CTNND2: variants seen among roughly 807,000 people sequenced by gnomAD.
CTNND2 encodes the protein catenin delta 2.
In CTNND2, 22 loss-of-function variants were observed where a neutral mutation model predicts 144.4. That is an observed-to-expected ratio of 0.15 (90% CI 0.11 to 0.22). The LOEUF (loss-of-function observed/expected upper bound fraction) is 0.22. Ranked by LOEUF, CTNND2 falls within the 10% of genes least tolerant of loss-of-function variation. The probability of loss-of-function intolerance (pLI) is 1.00; values close to 1 mark genes in which losing one functional copy is unlikely to be tolerated. For missense variants in CTNND2, 1,353 were observed against 1,618.8 expected (o/e 0.84, Z 2.82); for synonymous variants, 751 against 695.6 (o/e 1.08, Z -1.25).
chr5:11,509,547 C>T (rs1771432578), intron 3 of CTNND2, among the ~76,000 whole-genome samples: 1 of 152,026 alleles, frequency 6.6e-6, no homozygotes, highest in Non-Finnish European at 1.5e-5. Flanking sequence ...AGCTTGAAAG[C>T]AGGAGAATAT....
At chr5:11,259,119 G>A (rs761436009) in intron 9 of CTNND2, among the ~76,000 whole-genome samples, 3 of 152,140 alleles carry the variant, frequency 2.0e-5, no homozygotes, top group Non-Finnish European at 4.4e-5. Flanking sequence ...GGTGAGCCTT[G>A]TACCATCAGT....
At chr5:11,881,085 T>C (rs1235411239) in intron 1 of CTNND2, among the ~76,000 whole-genome samples, 2 of 150,106 alleles carry the variant, frequency 1.3e-5, no homozygotes, top group Non-Finnish European at 3.0e-5. Flanking sequence ...TCATTATTAT[T>C]AAAGGGAATG....
intron 5 of CTNND2, among the ~76,000 whole-genome samples, chr5:11,404,875 G>A (rs981920957): frequency 6.6e-6 from 1 of 152,020 alleles, no homozygotes; most frequent in Admixed American, 6.5e-5. Context: ...CTCCCAAAGT[G>A]CTGGGATTGC....
chr5:10,984,393 G>GT (rs1308165181), intron 20 of CTNND2, among the ~76,000 whole-genome samples: 13 of 152,176 alleles, frequency 8.5e-5, no homozygotes, highest in Non-Finnish European at 1.6e-4. Flanking sequence ...GTGAAATTTT[G>GT]TTTTTTCTGT....
intron 3 of CTNND2, among the ~76,000 whole-genome samples, chr5:11,443,342 GGAGTGTGTGGGA>G (rs1414412641): frequency 1.8e-4 from 12 of 68,114 alleles, no homozygotes; most frequent in African/African-American, 7.7e-4. Flanking sequence ...GTGTGTGTGG[GGAGTGTGTGGGA>G]GGGTGTGTGG....
rs1738078005 is a variant in CTNND2 at position 11,903,534 on chromosome 5, C to T, written c.37+283G>A. On this transcript the variant is annotated intron_variant, in intron 1 of 21. Transcript: ENST00000304623. The surrounding 1 kb of genome is among the most constrained non-coding windows in gnomAD (Gnocchi z 5.4). ...TGTCGGTGTTGCCCTAAATACGCTT[C>T]CTCCCGGGGAGATGGGTGGCAGGGA... The T allele has an allele frequency of 1.7e-6, 1 of 583,406 alleles. No individual in the cohort carries two copies. Among genetic ancestry groups the T allele is most frequent in the African/African-American group, 2.0e-5 (1 of 49,960 alleles). The allele number at this position is 583,406 out of a possible 1,614,324, so 36.1% of individuals were successfully genotyped here. A position where few individuals can be genotyped will look rare whatever the true frequency, so the allele number is the denominator to read the frequency against.
chr5:11,616,095 C>T (rs76634959), intron 2 of CTNND2, among the ~76,000 whole-genome samples: 3,712 of 152,238 alleles, frequency 0.024, 88 homozygotes, highest in East Asian at 0.12. Context: ...AAGTTTGAAA[C>T]GGTGATATTG....
At chr5:11,412,126 C>T in intron 3 of CTNND2, 57 bp from the exon 4 acceptor site, 1 of 1,410,538 alleles carries the variant, frequency 7.1e-7, no homozygotes. Context: ...AAAATAAAAC[C>T]CTAAAATCTA....
intron 1 of CTNND2, among the ~76,000 whole-genome samples, chr5:11,877,576 C>A (rs112796032): frequency 6.6e-6 from 1 of 152,076 alleles, no homozygotes; most frequent in Admixed American, 6.5e-5. Context: ...TATTTGAATA[C>A]GCTTGAAGAT....
chr5:11,355,471 TAAAAC>T (rs1484349404), intron 8 of CTNND2, among the ~76,000 whole-genome samples: 1 of 151,588 alleles, frequency 6.6e-6, no homozygotes, highest in African/African-American at 2.4e-5. Flanking sequence ...CCCTGCATGA[TAAAAC>T]AAAAAAAAAC....
At chr5:11,081,244 T>A (rs1749543916) in intron 16 of CTNND2, among the ~76,000 whole-genome samples, 1 of 152,168 alleles carries the variant, frequency 6.6e-6, no homozygotes, top group Non-Finnish European at 1.5e-5. Context: ...TTTTTGAGAT[T>A]TATTATGCAA....
intron 12 of CTNND2, among the ~76,000 whole-genome samples, chr5:11,130,025 A>C (rs574096809): frequency 6.6e-6 from 1 of 152,074 alleles, no homozygotes; most frequent in South Asian, 2.1e-4. Context: ...AAGTTTCCCT[A>C]ATTTTTTTTT....
intron 1 of CTNND2, among the ~76,000 whole-genome samples, chr5:11,846,711 G>T (rs4702833): frequency 0.13 from 19,499 of 152,016 alleles, 3,474 homozygotes; most frequent in African/African-American, 0.41. Flanking sequence ...GGGGCTGATA[G>T]CCAGAACTTA....
At chr5:11,227,131 T>C (rs547128205) in intron 10 of CTNND2, among the ~76,000 whole-genome samples, 1 of 152,312 alleles carries the variant, frequency 6.6e-6, no homozygotes, top group South Asian at 2.1e-4. Context: ...ACAATACAAG[T>C]ATTCTGTCTA....
rs536394911 is a variant in CTNND2 at position 11,372,382 on chromosome 5, G to A, written c.1178-7492C>T. ...TCTTTTTGTAACAGGCAGGCATCTG[G>A]AAAATAATGATAGTGGTAACGGAGT... On this transcript the variant is annotated intron_variant, in intron 7 of 21. Transcript: ENST00000304623. Among the ~76,000 whole-genome samples, 9 of 152,284 alleles carry A rather than the reference G, an allele frequency of 5.9e-5. No individual in the cohort carries two copies. In the South Asian group the frequency reaches 1.9e-3, roughly 32 times the overall value.
chr5:11,087,114 T>C (rs1750239478), intron 15 of CTNND2, among the ~76,000 whole-genome samples: 1 of 152,234 alleles, frequency 6.6e-6, no homozygotes, highest in Non-Finnish European at 1.5e-5. Flanking sequence ...AAATTAGCCA[T>C]ATCCTCAGTT....
At chr5:11,715,417 G>A (rs1354084539) in intron 2 of CTNND2, among the ~76,000 whole-genome samples, 5 of 152,118 alleles carry the variant, frequency 3.3e-5, no homozygotes, top group Admixed American at 2.0e-4. Context: ...AATCCAGGTG[G>A]GCACATTCTG....
intron 5 of CTNND2, among the ~76,000 whole-genome samples, chr5:11,399,626 A>G (rs983662453): frequency 2.0e-5 from 3 of 152,238 alleles, no homozygotes; most frequent in Non-Finnish European, 4.4e-5. Context: ...CAGAATATAT[A>G]TGATAGAATA....
chr5:11,715,960 C>T (rs1786326057), intron 2 of CTNND2, among the ~76,000 whole-genome samples: 1 of 152,196 alleles, frequency 6.6e-6, no homozygotes, highest in Non-Finnish European at 1.5e-5. Flanking sequence ...CTCCAATTAT[C>T]CAAACTCTCT....
Sources: allele counts gnomAD v4.1 joint callset (sites outside exome capture counted in the v4.1 genomes callset), GRCh38; gene constraint gnomAD v4.1.1; non-coding constraint Gnocchi (gnomAD v3.1); transcripts MANE v1.5; gene names NCBI Gene and HGNC (gene_info 2026-07-23, HGNC 2026-07-21).